The following ANK2 variants were observed in gnomAD, a reference collection of about 807,000 sequenced individuals.
ANK2 encodes the protein ankyrin 2.
Under a neutral mutation model 360.5 loss-of-function variants are expected in ANK2, and 83 were observed. That is an observed-to-expected ratio of 0.23 (90% CI 0.19 to 0.28). The LOEUF is 0.28. Among genes scored for constraint, ANK2 ranks in the 10% least tolerant of loss-of-function variants. The probability of loss-of-function intolerance (pLI) is 1.00; values close to 1 mark genes in which losing one functional copy is unlikely to be tolerated. For synonymous variants in ANK2, 1,740 were observed against 1,759.5 expected (o/e 0.99, Z 0.28); for missense variants, 4,201 against 4,795.7 (o/e 0.88, Z 3.66).
chr4:113,085,321 CT>C (rs973607043), intron 1 of ANK2, among the ~76,000 whole-genome samples: 23 of 148,416 alleles, frequency 1.5e-4, no homozygotes, highest in East Asian at 7.9e-4. Context: ...TTTTCTTTTT[CT>C]TTTTTTTTTG....
intron 1 of ANK2, among the ~76,000 whole-genome samples, chr4:113,157,631 G>T (rs2097351263): frequency 6.6e-6 from 1 of 152,228 alleles, no homozygotes; most frequent in Non-Finnish European, 1.5e-5. Context: ...AGGGAATTGA[G>T]CATCAAGGGA....
chr4:113,117,135 C>T (rs55771921), intron 1 of ANK2: 59,878 of 368,630 alleles, frequency 0.16, 5,069 homozygotes, highest in African/African-American at 0.18. Flanking sequence ...TATGACCTAG[C>T]TCGGGGGCGG....
chr4:113,038,925 A>G (rs538256671), intron 2 of ANK2, among the ~76,000 whole-genome samples: 123 of 152,016 alleles, frequency 8.1e-4, no homozygotes, highest in Non-Finnish European at 1.6e-3. Flanking sequence ...AGCTGACACC[A>G]CATGTATCAG....
At chr4:112,810,083 G>T in the ANK2 span, among the ~76,000 whole-genome samples, 1 of 125,624 alleles carries the variant, frequency 8.0e-6, no homozygotes, top group South Asian at 2.6e-4. Context: ...TTACCATTAT[G>T]TTCTTTAGTA....
intron 2 of ANK2, among the ~76,000 whole-genome samples, chr4:113,184,620 T>C (rs6858425): frequency 0.31 from 47,598 of 152,058 alleles, 8,054 homozygotes; most frequent in African/African-American, 0.43. Flanking sequence ...TCTTTGTGCC[T>C]TTAAGAATCT....
rs1182019233 is a variant in ANK2, at chr4:113,355,140, C to T, written c.6522C>T (p.Phe2174=). ...LHLDQVLTSP[F]NTTFPLDYMK... Reference sequence around the variant, plus strand: ...TAGACCAAGTACTCACTAGTCCTTTCAACACAACATTTCCACTCGACTACA... The same window carrying T: ...TAGACCAAGTACTCACTAGTCCTTTTAACACAACATTTCCACTCGACTACA... Residue 2174 remains phenylalanine (F), a synonymous_variant, in exon 38 of 46, where the codon TTC becomes TTT. Transcript: ENST00000357077. The T allele has an allele frequency of 6.2e-7, 1 of 1,614,120 alleles. No homozygotes were observed. Among genetic ancestry groups the T allele is most frequent in the Non-Finnish European group, 8.5e-7 (1 of 1,179,992 alleles).
intron 2 of ANK2, among the ~76,000 whole-genome samples, chr4:113,185,204 C>T (rs1172294296): frequency 6.6e-6 from 1 of 152,158 alleles, no homozygotes; most frequent in African/African-American, 2.4e-5. Flanking sequence ...GATTTATAAT[C>T]CTTTGGGTGT....
At chr4:112,925,029 G>T (rs2092341625) in intron 2 of ANK2, among the ~76,000 whole-genome samples, 1 of 151,814 alleles carries the variant, frequency 6.6e-6, no homozygotes, top group South Asian at 2.1e-4. Flanking sequence ...TAGTAGAGAC[G>T]AGGTTTCATC....
intron 1 of ANK2, among the ~76,000 whole-genome samples, chr4:112,830,223 A>T (rs1016064131): frequency 2.6e-5 from 4 of 152,226 alleles, no homozygotes; most frequent in African/African-American, 9.7e-5. Context: ...AGCACTACTC[A>T]CAACAGCAAA....
chr4:113,320,048 A>T (rs960699433), intron 26 of ANK2, among the ~76,000 whole-genome samples: 24 of 152,200 alleles, frequency 1.6e-4, no homozygotes, highest in Non-Finnish European at 1.5e-5. Flanking sequence ...TTTGCAAAAT[A>T]AATCATTTAT....
At chr4:112,756,249 AAGAC>A in the ANK2 span, among the ~76,000 whole-genome samples, 4 of 151,964 alleles carry the variant, frequency 2.6e-5, no homozygotes, top group African/African-American at 7.2e-5. Flanking sequence ...AAAAAAAAAA[AAGAC>A]AGAGTCTCAC....
intron 1 of ANK2, among the ~76,000 whole-genome samples, chr4:113,082,318 T>G (rs1177993251): frequency 6.6e-6 from 1 of 152,150 alleles, no homozygotes; most frequent in African/African-American, 2.4e-5. Flanking sequence ...TTCCCCTTTT[T>G]GTGGAGAGTG....
rs573408499 is a variant in ANK2 at position 113,201,831 on chromosome 4, G to C, written c.384+2722G>C. On this transcript the variant is annotated intron_variant, in intron 4 of 45. Coordinates refer to ENST00000357077, the MANE Select transcript of ANK2 (RefSeq NM_001148.6). Reference sequence around the variant, plus strand: ...TCATTAACTCGCTTTCAGAGTCAGAGGCTTTTATTTATAAGGTATAATCAT... The same window carrying C: ...TCATTAACTCGCTTTCAGAGTCAGACGCTTTTATTTATAAGGTATAATCAT... Among the ~76,000 whole-genome samples the C allele has an allele frequency of 1.5e-4, 23 of 152,186 alleles. 2 individuals are homozygous for C. In the South Asian group the frequency reaches 4.2e-3, roughly 28 times the overall value.
chr4:112,959,980 A>G (rs2154259901), intron 2 of ANK2, among the ~76,000 whole-genome samples: 1 of 152,340 alleles, frequency 6.6e-6, no homozygotes, highest in East Asian at 1.9e-4. Flanking sequence ...GTTTGAAACC[A>G]GAAAAAGTGT....
At chr4:112,716,705 A>G in the ANK2 span, among the ~76,000 whole-genome samples, 96 of 152,284 alleles carry the variant, frequency 6.3e-4, no homozygotes, top group African/African-American at 2.2e-3. Context: ...AAATGGTACT[A>G]TAGGCTTACA....
At chr4:112,910,654 G>T (rs995963112) in intron 2 of ANK2, among the ~76,000 whole-genome samples, 3 of 152,150 alleles carry the variant, frequency 2.0e-5, no homozygotes, top group African/African-American at 7.2e-5. Context: ...AGCAAAATGG[G>T]TTGCACTTGG....
At chr4:113,247,524 T>C (rs2043641997) in intron 9 of ANK2, among the ~76,000 whole-genome samples, 1 of 152,242 alleles carries the variant, frequency 6.6e-6, no homozygotes, top group Non-Finnish European at 1.5e-5. Flanking sequence ...TGAGAGTATT[T>C]TGGATGTTTC....
chr4:113,019,915 G>C (rs936311765), intron 2 of ANK2, among the ~76,000 whole-genome samples: 1 of 151,214 alleles, frequency 6.6e-6, no homozygotes, highest in Non-Finnish European at 1.5e-5. Context: ...AACAAACATA[G>C]TGCAACTGTA....
rs2052263493 is a variant in ANK2, at chr4:113,004,961, TC to T, written c.21+100448del. Among the ~76,000 whole-genome samples, 6 of 152,198 alleles carry T rather than the reference TC, an allele frequency of 3.9e-5. No individual in the cohort carries two copies. In the South Asian group the frequency reaches 1.2e-3, roughly 31 times the overall value. ...TGTATTTTAATAAGCCGTAAGAGAA[TC>T]TTTTTATAACCTTGAAGTGAGTAAA... On this transcript the variant is annotated intron_variant, in intron 2 of 30. Transcript: ENST00000503271.
Sources: allele counts gnomAD v4.1 joint callset (sites outside exome capture counted in the v4.1 genomes callset), GRCh38; gene constraint gnomAD v4.1.1; transcripts MANE v1.5; gene names NCBI Gene and HGNC (gene_info 2026-07-23, HGNC 2026-07-21).